Variants in PTK2 observed in about 807,000 individuals in gnomAD.
PTK2 encodes focal adhesion kinase 1.
In PTK2, 45 loss-of-function variants were observed where a neutral mutation model predicts 150.1. The ratio of observed to expected loss-of-function variants is 0.30; its 90% CI spans 0.24 to 0.38. The LOEUF is 0.38. PTK2 is among the 10% of genes least tolerant of loss of function. PTK2 has a pLI of 1.00. For synonymous variants in PTK2, 432 were observed against 449.2 expected (o/e 0.96, Z 0.48); for missense variants, 919 against 1,307.3 (o/e 0.70, Z 4.58).
chr8:140,883,178 A>T (rs181667500), intron 3 of PTK2, among the ~76,000 whole-genome samples: 114 of 152,296 alleles, frequency 7.5e-4, no homozygotes, highest in African/African-American at 2.4e-3. Flanking sequence ...CTCCATGTTC[A>T]TTCTTTCATA....
At chr8:140,853,638 C>A (rs2100130766) in intron 5 of PTK2, among the ~76,000 whole-genome samples, 1 of 152,058 alleles carries the variant, frequency 6.6e-6, no homozygotes, top group Non-Finnish European at 1.5e-5. Flanking sequence ...GTGAATAGTG[C>A]CACAGTAAAC....
At chr8:140,987,524 G>A (rs138331501) in intron 1 of PTK2, among the ~76,000 whole-genome samples, 5 of 152,230 alleles carry the variant, frequency 3.3e-5, no homozygotes, top group South Asian at 4.1e-4. Flanking sequence ...AGAGATATGC[G>A]GATGGCAAAT....
intron 2 of PTK2, chr8:140,921,095 T>C (rs1035827348): frequency 7.6e-7 from 1 of 1,308,418 alleles, no homozygotes; most frequent in Non-Finnish European, 9.7e-7. Context: ...GCTTGAAGAA[T>C]GCCTCTCAGT....
intron 2 of PTK2, among the ~76,000 whole-genome samples, chr8:140,913,267 A>G (rs894979887): frequency 1.3e-5 from 2 of 151,578 alleles, no homozygotes; most frequent in Admixed American, 6.6e-5. Context: ...ATCTATTTCT[A>G]TATACTAGGC....
At chr8:140,837,233 G>T (rs2100119209) in intron 7 of PTK2, among the ~76,000 whole-genome samples, 1 of 152,182 alleles carries the variant, frequency 6.6e-6, no homozygotes, top group African/African-American at 2.4e-5. Context: ...AGGGACAGGG[G>T]TTGGGGGACT....
At chr8:140,822,999 T>C (rs2100109711) in intron 8 of PTK2, among the ~76,000 whole-genome samples, 1 of 152,178 alleles carries the variant, frequency 6.6e-6, no homozygotes, top group African/African-American at 2.4e-5. Context: ...AATGTACAAA[T>C]GCTCTGAGTG....
In PTK2 at chr8:140,691,773, A is replaced by G. The variant is rs138921543; in HGVS notation, c.2500-5079T>C. ...CTCAGTCAGTCATTATCAGAATGAA[A>G]GAAGTGCCTGGCAGCATTGTGCACA... On this transcript the variant is annotated intron_variant, in intron 26 of 31. Coordinates refer to ENST00000522684, the Ensembl canonical transcript of PTK2. Among the ~76,000 whole-genome samples, 4 of 152,388 alleles carry G rather than the reference A, an allele frequency of 2.6e-5. No individual in the cohort carries two copies. In the East Asian group the frequency reaches 7.7e-4, roughly 29 times the overall value.
At chr8:140,667,112 G>A (rs1302856657) in intron 30 of PTK2, among the ~76,000 whole-genome samples, 1 of 152,158 alleles carries the variant, frequency 6.6e-6, no homozygotes, top group Non-Finnish European at 1.5e-5. Flanking sequence ...CAGGGGCTGG[G>A]GGAGGGGAAA....
intron 14 of PTK2, among the ~76,000 whole-genome samples, chr8:140,768,743 T>G (rs1457661075): frequency 1.3e-5 from 2 of 152,226 alleles, no homozygotes; most frequent in Non-Finnish European, 2.9e-5. Flanking sequence ...TGCTAATTGA[T>G]TATTATCACA....
chr8:140,864,463 A>G (rs2100138100), intron 4 of PTK2, 64 bp from the exon 5 acceptor site: 1 of 930,600 alleles, frequency 1.1e-6, no homozygotes, highest in Admixed American at 2.4e-5. Context: ...ACAGTCTACA[A>G]TTATAATATT....
At chr8:140,750,397 G>C (rs950683165) in intron 17 of PTK2, 1 of 152,208 alleles carries the variant, frequency 6.6e-6, no homozygotes, top group African/African-American at 2.4e-5. Context: ...CTTATCCCCA[G>C]GGAGCTTAAG....
rs112759052 is a variant in PTK2, at chr8:140,839,115, C to T, written c.593+7145G>A. ...TTAGGCAACAGGGTGATAAACATGC[C>T]GGTTTCTAGGACGCCCCCAGCACAC... On this transcript the variant is annotated intron_variant, in intron 7 of 31. Transcript: ENST00000522684. Among the ~76,000 whole-genome samples the T allele has an allele frequency of 5.2e-3, 785 of 152,168 alleles. 8 individuals carry two copies. Among genetic ancestry groups the T allele is most frequent in the African/African-American group, 0.017 (713 of 41,512 alleles).
intron 13 of PTK2, among the ~76,000 whole-genome samples, chr8:140,790,658 T>C (rs1446101921): frequency 2.6e-5 from 4 of 152,228 alleles, no homozygotes; most frequent in Non-Finnish European, 1.5e-5. Context: ...CTATTTAATG[T>C]GAAACTGTAT....
chr8:140,892,486 A>C (rs1201082039), intron 2 of PTK2: 2 of 295,970 alleles, frequency 6.8e-6, no homozygotes, highest in Non-Finnish European at 1.3e-5. Flanking sequence ...CAGTGAGCCG[A>C]GATCGTGCCA....
intron 2 of PTK2, among the ~76,000 whole-genome samples, chr8:140,908,050 G>A (rs1023020344): frequency 6.6e-6 from 1 of 152,156 alleles, no homozygotes; most frequent in Admixed American, 6.5e-5. Flanking sequence ...CCAAAAGCTA[G>A]GCTTCTTGTG....
At chr8:141,001,290 C>T (rs2100200176), upstream of PTK2, 1 of 147,374 alleles carries the variant, frequency 6.8e-6, no homozygotes, top group African/African-American at 2.4e-5. Flanking sequence ...CGTGCTGCGT[C>T]GGCGCGGGCC....
In PTK2 at chr8:140,746,614, T is replaced by C. The variant is rs1234902032; in HGVS notation, c.1518+146A>G. On this transcript the variant is annotated intron_variant, in intron 18 of 31. Transcript: ENST00000522684. ...TTAATGATGAAGATATTTATACCCA[T>C]ATTCTCTGAACCAAAACCATAATGA... 14 of 572,990 alleles carry C rather than the reference T, an allele frequency of 2.4e-5. No homozygotes were observed. The East Asian group carries it at 3.3e-4, about 14-fold the overall frequency. 35.5% of individuals were successfully genotyped at this position (572,990 alleles called of 1,614,324 possible).
At chr8:140,700,409 T>G (rs546956243) in intron 26 of PTK2, among the ~76,000 whole-genome samples, 33 of 152,096 alleles carry the variant, frequency 2.2e-4, no homozygotes, top group East Asian at 2.1e-3. Flanking sequence ...TGGGCTCAAG[T>G]GATCCTCCTG....
rs533655254 is a variant in PTK2 at position 140,942,002 on chromosome 8, G to A, written c.-121-16253C>T. 1.5e-4 allele frequency among the ~76,000 whole-genome samples: 23 copies of A among 152,044 alleles called. 1 individual carries two copies. The highest frequency in any genetic ancestry group is 4.8e-4 in the African/African-American group (20 of 41,466). ...ACCCCCAGGTTCAAGCAATTCTCCCGCCTCAGCCTCCCGAGTAGCTGGGAC... is the reference window on the plus strand; with the variant it reads ...ACCCCCAGGTTCAAGCAATTCTCCCACCTCAGCCTCCCGAGTAGCTGGGAC... On this transcript the variant is annotated intron_variant, in intron 1 of 31. Transcript: ENST00000522684.
Sources: allele counts gnomAD v4.1 joint callset (sites outside exome capture counted in the v4.1 genomes callset), GRCh38; gene constraint gnomAD v4.1.1; transcripts MANE v1.5; gene names NCBI Gene and HGNC (gene_info 2026-07-23, HGNC 2026-07-21).